Variants in PCDHGB6 observed in about 807,000 individuals in gnomAD.
The protein encoded by PCDHGB6 is protocadherin gamma subfamily B, 6.
PCDHGB6 carries 51 observed loss-of-function variants against 59.1 expected under a neutral mutation model. The ratio of observed to expected loss-of-function variants is 0.86; its 90% CI spans 0.69 to 1.09. The LOEUF (loss-of-function observed/expected upper bound fraction) is 1.09, where lower values mean the gene tolerates loss of function less well. PCDHGB6 is among the 50% of genes least tolerant of loss of function. The pLI is 0.00. For synonymous variants in PCDHGB6, 466 were observed against 495.1 expected, an observed-to-expected ratio of 0.94 and a Z score of 0.78; for missense variants, 1,148 against 1,205.1, an observed-to-expected ratio of 0.95 and a Z score of 0.70.
At position 141,431,118 on chromosome 5, in the gene PCDHGB6, A is replaced by C; in HGVS notation, c.2418+20498A>C. On this transcript the variant is annotated intron_variant, in intron 1 of 3. Coordinates refer to ENST00000520790, the MANE Select transcript of PCDHGB6 (RefSeq NM_018926.3). The surrounding 1 kb of genome is among the most constrained non-coding windows in gnomAD (Gnocchi z 4.8). ...GATAAAGTGAAAATATATGGAGTAG[A>C]AGTAGAAGTAAGGGACATTAACGAC... 6.2e-7 allele frequency: 1 copy of C among 1,614,182 alleles called. No individual in the cohort carries two copies. Among genetic ancestry groups the C allele is most frequent in the Non-Finnish European group, 8.5e-7 (1 of 1,179,974 alleles).
chr5:141,509,575 T>C (rs186302231), intron 3 of PCDHGB6, among the ~76,000 whole-genome samples: 153 of 152,320 alleles, frequency 1.0e-3, no homozygotes, highest in African/African-American at 3.7e-3. Flanking sequence ...TCACAGTGCG[T>C]ACAAATCAGC....
At chr5:141,422,847 C>T (rs1271794821) in intron 1 of PCDHGB6, 2 of 1,614,116 alleles carry the variant, frequency 1.2e-6, no homozygotes, top group Non-Finnish European at 1.7e-6. Context: ...ACAGCGGGGA[C>T]CCGCCCCTCA....
rs767547572 is a variant in PCDHGB6 at position 141,505,495 on chromosome 5, G to C, written c.2566+14G>C. On this transcript the variant is annotated intron_variant, in intron 3 of 3. Coordinates refer to ENST00000520790, the MANE Select transcript of PCDHGB6 (RefSeq NM_018926.3). The stretch of plus-strand genomic sequence containing the variant: ...CGTCCGCCAGTGGTAAGTGGTGTCA[G>C]TGTGTGTATGGAAGAGTGGGAGACC... 5 of 1,614,210 alleles carry C rather than the reference G, an allele frequency of 3.1e-6. No individual in the cohort carries two copies. Among genetic ancestry groups the C allele is most frequent in the Non-Finnish European group, 4.2e-6 (5 of 1,180,000 alleles).
intron 2 of PCDHGB6, among the ~76,000 whole-genome samples, chr5:141,500,788 A>T (rs1379810633): frequency 2.6e-5 from 4 of 152,198 alleles, no homozygotes; most frequent in Admixed American, 6.5e-5. Context: ...ATATTATTTT[A>T]CAGAATAAGT....
intron 1 of PCDHGB6, chr5:141,419,330 C>G (rs2096361200): frequency 1.9e-6 from 3 of 1,613,958 alleles, no homozygotes; most frequent in Non-Finnish European, 2.5e-6. Context: ...CTCCTACTCT[C>G]TCATTGCCAG....
intron 1 of PCDHGB6, chr5:141,418,683 CAG>C: frequency 6.2e-7 from 1 of 1,614,048 alleles, no homozygotes; most frequent in African/African-American, 1.3e-5. Flanking sequence ...GGCATCAACT[CAG>C]AGATCACTTA....
In PCDHGB6 at chr5:141,489,493, G is replaced by C. The variant is rs1485293604; in HGVS notation, c.2419-5314G>C. 3 of 1,614,078 alleles carry C rather than the reference G, an allele frequency of 1.9e-6. No homozygotes were observed. The South Asian group carries it at 3.3e-5, about 18-fold the overall frequency. On this transcript the variant is annotated intron_variant, in intron 1 of 3. Coordinates refer to ENST00000520790, the MANE Select transcript of PCDHGB6 (RefSeq NM_018926.3). This position sits in a 1 kb window ranked among gnomAD's most constrained non-coding sequence, Gnocchi z 4.5. Reference sequence around the variant, plus strand: ...CCTGAGCTTGATGAGTGGTGCCCTGGCAGTGAATCAAAAGATTGACCGAGA... The same window carrying C: ...CCTGAGCTTGATGAGTGGTGCCCTGCCAGTGAATCAAAAGATTGACCGAGA...
At chr5:141,450,770 AG>A (rs1354382498) in intron 1 of PCDHGB6, among the ~76,000 whole-genome samples, 1 of 151,448 alleles carries the variant, frequency 6.6e-6, no homozygotes, top group Non-Finnish European at 1.5e-5. Context: ...TACAGGCATG[AG>A]CCACCGTGCC....
At chr5:141,497,745 G>C (rs1475395529) in intron 2 of PCDHGB6, among the ~76,000 whole-genome samples, 1 of 152,070 alleles carries the variant, frequency 6.6e-6, no homozygotes, top group Non-Finnish European at 1.5e-5. Flanking sequence ...CGCCACGTTG[G>C]CCAGGCTGGT....
intron 1 of PCDHGB6, among the ~76,000 whole-genome samples, chr5:141,443,179 A>G (rs2098370392): frequency 6.6e-6 from 1 of 152,190 alleles, no homozygotes; most frequent in South Asian, 2.1e-4. Flanking sequence ...TGTCCACTGC[A>G]TCATTCTCTA....
chr5:141,413,217 C>A (rs762828191), intron 1 of PCDHGB6: 8 of 1,613,184 alleles, frequency 5.0e-6, no homozygotes, highest in African/African-American at 1.3e-5. Context: ...CAAAGGATTG[C>A]AGCGGGCTGG....
intron 1 of PCDHGB6, chr5:141,421,325 G>A: frequency 6.2e-7 from 1 of 1,613,906 alleles, no homozygotes; most frequent in Non-Finnish European, 8.5e-7. Context: ...AGGCAGATCC[G>A]ATATTCGGTG....
At chr5:141,508,371 C>T (rs1250979168) in intron 3 of PCDHGB6, 1 of 152,226 alleles carries the variant, frequency 6.6e-6, no homozygotes, top group East Asian at 1.9e-4. Flanking sequence ...CAACTTCTTC[C>T]CCTCAGATTT....
intron 3 of PCDHGB6, chr5:141,506,988 A>G (rs1364718512): frequency 1.3e-5 from 2 of 152,192 alleles, no homozygotes; most frequent in Non-Finnish European, 2.9e-5. Context: ...CTGATTTCTC[A>G]CACTCGACAG....
At chr5:141,499,022 AAGG>A (rs2099788758) in intron 2 of PCDHGB6, among the ~76,000 whole-genome samples, 3 of 150,722 alleles carry the variant, frequency 2.0e-5, no homozygotes, top group Non-Finnish European at 3.0e-5. Context: ...GGAAGGAAGG[AAGG>A]AAGAAAAGAA....
Position 141,511,606 on chromosome 5 carries a change from G to A in PCDHGB6, c.*433G>A, listed in dbSNP as rs1160129762. The stretch of plus-strand genomic sequence containing the variant: ...TGTTGAAGTACCAAGTAACCTACAA[G>A]CCTCCTAGTTCTGAAAAGTTGGAAG... On this transcript the variant is annotated 3_prime_UTR_variant, in exon 4 of 4. Transcript: ENST00000520790. 2 of 248,594 alleles carry A rather than the reference G, an allele frequency of 8.0e-6. No individual in the cohort carries two copies. Among genetic ancestry groups the A allele is most frequent in the Non-Finnish European group, 1.6e-5 (2 of 123,946 alleles). 15.4% of individuals were successfully genotyped at this position (248,594 alleles called of 1,614,324 possible). A position where few individuals can be genotyped will look rare whatever the true frequency, so the allele number is the denominator to read the frequency against.
chr5:141,409,394 T>C lies in PCDHGB6; in HGVS notation c.1192T>C (p.Ser398Pro). Reference sequence around the variant, plus strand: ...CATTCCATTCAAGATTTATTCTTCTTCCAATAACTACTACAAACTGGTGAC... The same window carrying C: ...CATTCCATTCAAGATTTATTCTTCTCCCAATAACTACTACAAACTGGTGAC... The part of the protein sequence containing the change: ...TDIPFKIYSS[S>P]NNYYKLVTDG... The change falls in exon 1 of 4, where the codon TCC (serine) becomes CCC (proline). Residue 398 changes from serine to proline, a missense_variant. Around this residue, in one of 5 missense-constraint regions of PCDHGB6, gnomAD observed 549 missense variants for 527.5 expected, o/e 1.04. Coordinates refer to ENST00000520790, the MANE Select transcript of PCDHGB6 (RefSeq NM_018926.3). 3 of 1,614,008 alleles carry C rather than the reference T, an allele frequency of 1.9e-6. No homozygotes were observed. Among genetic ancestry groups the C allele is most frequent in the Non-Finnish European group, 2.5e-6 (3 of 1,179,888 alleles).
rs766474451 is a variant in PCDHGB6 at position 141,477,676 on chromosome 5, AT to A, written c.2419-17130del. On this transcript the variant is annotated intron_variant, in intron 1 of 3. Coordinates refer to ENST00000520790, the MANE Select transcript of PCDHGB6 (RefSeq NM_018926.3). This position sits in a 1 kb window ranked among gnomAD's most constrained non-coding sequence, Gnocchi z 4.9. ...TAAATCGTGACAATGGCATAGTGTCATCCTTAGTGCCCCTAGACTATGAGGA... is the reference window on the plus strand; with the variant it reads ...TAAATCGTGACAATGGCATAGTGTCACCTTAGTGCCCCTAGACTATGAGGA... 6.2e-7 allele frequency: 1 copy of A among 1,614,194 alleles called. No homozygotes were observed. The highest frequency in any genetic ancestry group is 2.2e-5 in the East Asian group (1 of 44,886).
At position 141,494,833 on chromosome 5, in the gene PCDHGB6, T is replaced by C. The variant is rs537340090; in HGVS notation, c.2445T>C (p.Arg815=). 1 of 1,614,094 alleles carries C rather than the reference T, an allele frequency of 6.2e-7. No homozygotes were observed. The highest frequency in any genetic ancestry group is 1.7e-5 in the Admixed American group (1 of 60,014). Residue 815 remains arginine, a synonymous_variant, in exon 2 of 4, where the codon CGT becomes CGC. Coordinates refer to ENST00000520790, the MANE Select transcript of PCDHGB6 (RefSeq NM_018926.3). ...TSQAPPNTDW[R]FSQAQRPGTS... Reference sequence around the variant, plus strand: ...AAGCCCCGCCCAACACGGACTGGCGTTTCTCTCAGGCCCAGAGACCCGGCA... The same window carrying C: ...AAGCCCCGCCCAACACGGACTGGCGCTTCTCTCAGGCCCAGAGACCCGGCA...
Sources: allele counts gnomAD v4.1 joint callset (sites outside exome capture counted in the v4.1 genomes callset), GRCh38; gene constraint gnomAD v4.1.1; regional missense constraint gnomAD v4.1.1; non-coding constraint Gnocchi (gnomAD v3.1); transcripts MANE v1.5; gene names NCBI Gene and HGNC (gene_info 2026-07-23, HGNC 2026-07-21).